The following EWSR1 variants were observed in gnomAD, a reference collection of about 807,000 sequenced individuals.
The protein encoded by EWSR1 is RNA-binding protein EWS.
In EWSR1, 14 loss-of-function variants were observed where a neutral mutation model predicts 92.1. The observed-to-expected ratio is 0.15, with a 90% CI of 0.10 to 0.24. EWSR1 has a LOEUF of 0.24. Among genes scored for constraint, EWSR1 ranks in the 10% least tolerant of loss-of-function variants. The probability of loss-of-function intolerance (pLI) is 1.00; values close to 1 mark genes in which losing one functional copy is unlikely to be tolerated. For missense variants in EWSR1, 637 were observed against 870.9 expected, an observed-to-expected ratio of 0.73 and a Z score of 3.38; for synonymous variants, 303 against 292.9, an observed-to-expected ratio of 1.03 and a Z score of -0.35.
intron 9 of EWSR1, 109 bp downstream of exon 9, chr22:29,291,708 A>T (rs1251804707): frequency 9.6e-7 from 1 of 1,044,692 alleles, no homozygotes; most frequent in Non-Finnish European, 1.4e-6. Context: ...AATGATCTAT[A>T]CAAAAGAGAC....
At chr22:29,299,887 G>GCA in intron 16 of EWSR1, 36 bp downstream of exon 16, 1 of 1,532,086 alleles carries the variant, frequency 6.5e-7, no homozygotes, top group Non-Finnish European at 8.8e-7. Context: ...GGGCCGCCAG[G>GCA]CACAGTAAGA....
chr22:29,278,873 TAATC>T (rs2059335607), intron 5 of EWSR1, among the ~76,000 whole-genome samples: 1 of 151,338 alleles, frequency 6.6e-6, no homozygotes, highest in Non-Finnish European at 1.5e-5. Context: ...CGCACACCTG[TAATC>T]CCAGCTACTG....
intron 1 of EWSR1, among the ~76,000 whole-genome samples, chr22:29,269,054 C>T (rs911112490): frequency 2.8e-4 from 43 of 152,060 alleles, no homozygotes; most frequent in African/African-American, 8.7e-4. Context: ...TAATCCACGT[C>T]CTCCCCTCCC....
At chr22:29,298,705 T>C (rs1247627436) in intron 13 of EWSR1, 28 bp from the exon 14 acceptor site, 3 of 1,612,052 alleles carry the variant, frequency 1.9e-6, no homozygotes, top group South Asian at 1.1e-5. Context: ...GAGAAATGAT[T>C]TGCTGTTTCT....
chr22:29,288,686 C>T lies in EWSR1; in HGVS notation c.874C>T (p.Arg292Trp), dbSNP rs998426918. Residue 292 changes from arginine to tryptophan, a missense_variant, in exon 8 of 17, where the codon CGG (arginine) becomes TGG (tryptophan). Transcript: ENST00000397938. ...SGGFSGPGEN[R>W]SMSGPDNRGR... is the part of the protein sequence containing the mutation. ...AGGATTTTCCGGACCAGGAGAGAAC[C>T]GGAGCATGAGTGGCCCTGATAACCG... The T allele has an allele frequency of 6.2e-6, 10 of 1,613,722 alleles. No individual in the cohort carries two copies. The highest frequency in any genetic ancestry group is 8.5e-6 in the Non-Finnish European group (10 of 1,179,846).
At chr22:29,298,977 C>T (rs907620153) in intron 14 of EWSR1, 82 bp downstream of exon 14, 39 of 1,424,832 alleles carry the variant, frequency 2.7e-5, no homozygotes, top group Non-Finnish European at 3.5e-5. Context: ...GAGTGGATTG[C>T]TCTGTCTAGA....
At chr22:29,289,162 A>G (rs1331449139) in intron 8 of EWSR1, 1 of 249,058 alleles carries the variant, frequency 4.0e-6, no homozygotes, top group Non-Finnish European at 7.8e-6. Context: ...GTTGTCTTGA[A>G]ATACCTGGTG....
intron 6 of EWSR1, among the ~76,000 whole-genome samples, chr22:29,283,274 C>G (rs2059756248): frequency 6.6e-6 from 1 of 152,296 alleles, no homozygotes; most frequent in Non-Finnish European, 1.5e-5. Flanking sequence ...TACATTTTAC[C>G]TAACACATAA....
chr22:29,285,610 T>C (rs1024980054), intron 6 of EWSR1, among the ~76,000 whole-genome samples: 1 of 151,416 alleles, frequency 6.6e-6, no homozygotes, highest in Non-Finnish European at 1.5e-5. Context: ...GACAAATCTT[T>C]GAGGGAAAAC....
intron 5 of EWSR1, among the ~76,000 whole-genome samples, chr22:29,281,768 G>C (rs2059625958): frequency 6.6e-6 from 1 of 151,390 alleles, no homozygotes; most frequent in Non-Finnish European, 1.5e-5. Flanking sequence ...TGTATTTTTA[G>C]TAGAGACAGG....
At position 29,296,226 on chromosome 22, in the gene EWSR1, A is replaced by G. The variant is rs1391173047; in HGVS notation, c.1165-13A>G. 6.8e-6 allele frequency: 11 copies of G among 1,613,064 alleles called. No homozygotes were observed. The highest frequency in any genetic ancestry group is 1.1e-5 in the South Asian group (1 of 90,838). On this transcript the variant is annotated splice_polypyrimidine_tract_variant and intron_variant, in intron 11 of 16. Transcript: ENST00000397938. ...TATTCTAGTCATGCCTAACTATGCT[A>G]TTCTTTGTCTAGATGAACAAGAGAA...
At chr22:29,280,512 C>G (rs2059476646) in intron 5 of EWSR1, among the ~76,000 whole-genome samples, 1 of 152,184 alleles carries the variant, frequency 6.6e-6, no homozygotes. Flanking sequence ...CGTCATTTAA[C>G]AGGGATACTT....
chr22:29,298,802 G>T lies in EWSR1; in HGVS notation c.1487G>T (p.Gly496Val), dbSNP rs1433867813. 1.2e-6 allele frequency: 2 copies of T among 1,610,114 alleles called. No individual in the cohort carries two copies. ...RMGGRGGDRG[G>V]FPPRGPRGSR... is the part of the protein sequence containing the mutation. ...GGAGGCCGTGGAGGAGATAGAGGAG[G>T]CTTCCCTCCAAGAGGACCCCGGGGT... is the stretch of plus-strand genomic sequence containing the variant. The change falls in exon 14 of 17, where the codon GGC (glycine) becomes GTC (valine). Residue 496 changes from glycine (G) to valine (V), a missense_variant. Gly to Val is a moderately radical substitution (Grantham distance 109, BLOSUM62 -3). This residue lies in a region of EWSR1 where 363 missense variants were observed against 447.8 expected (regional missense o/e 0.81). Coordinates refer to ENST00000397938, the MANE Select transcript of EWSR1 (RefSeq NM_005243.4).
chr22:29,292,850 C>G (rs1159942339), intron 11 of EWSR1, among the ~76,000 whole-genome samples: 1 of 148,454 alleles, frequency 6.7e-6, no homozygotes, highest in Non-Finnish European at 1.5e-5. Flanking sequence ...ACTGCAACCT[C>G]TGTTCAAGCG....
In EWSR1 at chr22:29,278,026, C is replaced by G. The variant is rs780387764; in HGVS notation, c.227-4C>G. 1.2e-6 allele frequency: 2 copies of G among 1,612,466 alleles called. No individual in the cohort carries two copies. The highest frequency in any genetic ancestry group is 1.3e-5 in the African/African-American group (1 of 75,008). ...AAATCTGATGCAGCTCTCCTTTGTT[C>G]TAGGTTATACTACTCCAACTGCCCC... On this transcript the variant is annotated splice_polypyrimidine_tract_variant and splice_region_variant and intron_variant, in intron 4 of 16. Transcript: ENST00000397938.
intron 11 of EWSR1, 110 bp from the exon 12 acceptor site, chr22:29,296,129 A>G: frequency 9.6e-7 from 1 of 1,041,142 alleles, no homozygotes; most frequent in Non-Finnish European, 1.4e-6. Context: ...GGTGACATTT[A>G]GTGACTTACT....
intron 7 of EWSR1, among the ~76,000 whole-genome samples, chr22:29,287,411 T>C (rs1370637741): frequency 1.3e-5 from 2 of 152,212 alleles, no homozygotes; most frequent in Non-Finnish European, 2.9e-5. Flanking sequence ...TTTCACCATG[T>C]TGGTCAGGCT....
At chr22:29,296,519 C>T (rs2060874677) in intron 12 of EWSR1, 151 bp downstream of exon 12, 2 of 803,726 alleles carry the variant, frequency 2.5e-6, no homozygotes, top group Non-Finnish European at 3.8e-6. Context: ...AGCACCCAGC[C>T]ATTGACCCTG....
chr22:29,299,876 TG>T (rs778580059), intron 16 of EWSR1, 25 bp downstream of exon 16: 5 of 1,532,472 alleles, frequency 3.3e-6, no homozygotes, highest in African/African-American at 1.4e-5. Context: ...AAAGCAGCTG[TG>T]GGCCGCCAGG....
Sources: allele counts gnomAD v4.1 joint callset (sites outside exome capture counted in the v4.1 genomes callset), GRCh38; gene constraint gnomAD v4.1.1; regional missense constraint gnomAD v4.1.1; transcripts MANE v1.5; gene names NCBI Gene and HGNC (gene_info 2026-07-23, HGNC 2026-07-21).